Variants in SNX24 observed in about 807,000 individuals in gnomAD.
SNX24 encodes the protein sorting nexin 24, also known as sorting nexin-24.
SNX24 carries 22 observed loss-of-function variants against 28.7 expected under a neutral mutation model. The ratio of observed to expected loss-of-function variants is 0.77; its 90% CI spans 0.55 to 1.10. The LOEUF (loss-of-function observed/expected upper bound fraction) is 1.10. Ranked by LOEUF, SNX24 falls within the 50% of genes least tolerant of loss-of-function variation. The pLI is 0.00. For synonymous variants in SNX24, 69 were observed against 71.5 expected, an observed-to-expected ratio of 0.96 and a Z score of 0.18; for missense variants, 221 against 201.1, an observed-to-expected ratio of 1.10 and a Z score of -0.60.
chr5:122,900,463 T>C (rs1757388862), intron 1 of SNX24, among the ~76,000 whole-genome samples: 1 of 152,108 alleles, frequency 6.6e-6, no homozygotes. Flanking sequence ...AAAAATGGTG[T>C]GGTATAGAAA....
intron 1 of SNX24, among the ~76,000 whole-genome samples, chr5:122,873,126 C>A (rs1191694325): frequency 3.9e-5 from 6 of 152,066 alleles, no homozygotes; most frequent in South Asian, 2.1e-4. Flanking sequence ...CACCACCATG[C>A]CTGGCTAATT....
chr5:122,942,411 G>A (rs1170320070), intron 2 of SNX24, among the ~76,000 whole-genome samples: 3 of 152,226 alleles, frequency 2.0e-5, no homozygotes, highest in Non-Finnish European at 4.4e-5. Context: ...AGGAAGTAGC[G>A]GTGGCAATAC....
chr5:122,883,250 T>C (rs886264820), intron 1 of SNX24, among the ~76,000 whole-genome samples: 9 of 152,214 alleles, frequency 5.9e-5, no homozygotes, highest in African/African-American at 2.2e-4. Context: ...CCAAGAAAGG[T>C]TGAGAATCAC....
At chr5:122,862,243 G>A (rs1755493060) in intron 1 of SNX24, among the ~76,000 whole-genome samples, 1 of 152,158 alleles carries the variant, frequency 6.6e-6, no homozygotes, top group African/African-American at 2.4e-5. Flanking sequence ...TGGTCTGGAA[G>A]CAGCCATGAG....
intron 1 of SNX24, among the ~76,000 whole-genome samples, chr5:122,896,378 AT>A (rs1757203479): frequency 6.6e-6 from 1 of 152,036 alleles, no homozygotes; most frequent in South Asian, 2.1e-4. Context: ...AGGTAATTCA[AT>A]TTTGCCAACA....
chr5:122,997,061 T>C (rs940110747), intron 3 of SNX24, among the ~76,000 whole-genome samples: 13 of 152,232 alleles, frequency 8.5e-5, no homozygotes, highest in African/African-American at 2.9e-4. Flanking sequence ...ATCATGTGTG[T>C]ATGAACAAAA....
At chr5:122,877,903 G>A (rs926705307) in intron 1 of SNX24, among the ~76,000 whole-genome samples, 2 of 152,112 alleles carry the variant, frequency 1.3e-5, no homozygotes, top group African/African-American at 2.4e-5. Context: ...ATGGACAGGA[G>A]CCCTCAGGCC....
chr5:123,004,701 T>A (rs889880116), intron 6 of SNX24, among the ~76,000 whole-genome samples: 2 of 152,170 alleles, frequency 1.3e-5, no homozygotes, highest in Non-Finnish European at 2.9e-5. Flanking sequence ...CCTCATACAC[T>A]TTGCCCTAGC....
At chr5:122,944,283 T>C (rs963022656) in intron 2 of SNX24, among the ~76,000 whole-genome samples, 7 of 152,186 alleles carry the variant, frequency 4.6e-5, no homozygotes, top group Admixed American at 2.6e-4. Flanking sequence ...AAGAAGAGCC[T>C]GTTGCTTTTT....
intron 1 of SNX24, among the ~76,000 whole-genome samples, chr5:122,899,685 A>G (rs1383873232): frequency 2.6e-5 from 4 of 152,158 alleles, no homozygotes; most frequent in Admixed American, 2.6e-4. Flanking sequence ...CTGAAATTAC[A>G]GGCGCGAGGC....
intron 3 of SNX24, among the ~76,000 whole-genome samples, chr5:122,986,647 G>T (rs1761615560): frequency 6.6e-6 from 1 of 151,972 alleles, no homozygotes; most frequent in African/African-American, 2.4e-5. Flanking sequence ...AAGAGTGAAT[G>T]AACTGGAGAT....
chr5:122,997,771 G>A (rs570519357), intron 3 of SNX24, among the ~76,000 whole-genome samples: 1 of 152,064 alleles, frequency 6.6e-6, no homozygotes, highest in Admixed American at 6.6e-5. Flanking sequence ...AGAAGGTGGG[G>A]GTGGAGATAA....
chr5:122,891,704 G>C (rs1025013018), intron 1 of SNX24, among the ~76,000 whole-genome samples: 3 of 152,086 alleles, frequency 2.0e-5, no homozygotes, highest in African/African-American at 7.2e-5. Context: ...CATTGACTCT[G>C]GTCTGATTTA....
chr5:122,852,711 C>T (rs1449850663), intron 1 of SNX24, among the ~76,000 whole-genome samples: 1 of 152,126 alleles, frequency 6.6e-6, no homozygotes, highest in Non-Finnish European at 1.5e-5. Context: ...CAGTTTCTTT[C>T]TCATTAGCCC....
At chr5:122,957,997 C>T (rs1263947316) in intron 3 of SNX24, among the ~76,000 whole-genome samples, 1 of 152,020 alleles carries the variant, frequency 6.6e-6, no homozygotes, top group Non-Finnish European at 1.5e-5. Context: ...TCTTCCATTC[C>T]AATTAGGATA....
chr5:122,986,282 C>G (rs911733576), intron 3 of SNX24, among the ~76,000 whole-genome samples: 3 of 152,148 alleles, frequency 2.0e-5, no homozygotes, highest in African/African-American at 7.2e-5. Context: ...GAGTCTGGAT[C>G]CCAGACAAGA....
chr5:122,890,979 A>G (rs1485292546), intron 1 of SNX24: 2 of 1,392,714 alleles, frequency 1.4e-6, no homozygotes, highest in African/African-American at 3.0e-5. Context: ...ATAGTATATA[A>G]GAGTATGAAG....
rs373402515 is a variant in SNX24, at chr5:122,974,944, A to G, written c.250-24968A>G. On this transcript the variant is annotated intron_variant, in intron 3 of 6. Coordinates refer to ENST00000261369, the MANE Select transcript of SNX24 (RefSeq NM_014035.4). Reference sequence around the variant, plus strand: ...AATTCTGCATTCTGGCATTGGGGAAATGACCACAGGATGAGTCCGGGGAAT... The same window carrying G: ...AATTCTGCATTCTGGCATTGGGGAAGTGACCACAGGATGAGTCCGGGGAAT... Among the ~76,000 whole-genome samples, 16 of 152,306 alleles carry G rather than the reference A, an allele frequency of 1.1e-4. 2 individuals are homozygous for G. The highest frequency in any genetic ancestry group is 3.9e-4 in the East Asian group (2 of 5,190).
At chr5:122,884,188 A>G (rs1756596865) in intron 1 of SNX24, among the ~76,000 whole-genome samples, 1 of 150,166 alleles carries the variant, frequency 6.7e-6, no homozygotes. Flanking sequence ...TCTGATTTGA[A>G]TTCTGGATTT....
Sources: gnomAD v4.1 joint callset for allele counts (sites outside exome capture counted in the v4.1 genomes callset) on GRCh38, gnomAD v4.1.1 for gene constraint, MANE v1.5 for transcripts, NCBI Gene and HGNC (gene_info 2026-07-23, HGNC 2026-07-21) for gene names.